Variants in GLB1L2 observed in about 807,000 individuals in gnomAD.
GLB1L2 encodes the protein beta-galactosidase-1-like protein 2.
Under a neutral mutation model 84.1 loss-of-function variants are expected in GLB1L2, and 68 were observed. The observed-to-expected ratio is 0.81, with a 90% CI of 0.67 to 0.99. The LOEUF is 0.99. GLB1L2 is among the 50% of genes least tolerant of loss of function. The pLI is 0.00. For missense variants in GLB1L2, 762 were observed against 805.6 expected (o/e 0.95, Z 0.66); for synonymous variants, 290 against 318.0 (o/e 0.91, Z 0.94).
At chr11:134,345,239 T>C (rs1433380843) in intron 4 of GLB1L2, 110 bp downstream of exon 4, 1 of 1,211,110 alleles carries the variant, frequency 8.3e-7, no homozygotes, top group Non-Finnish European at 1.1e-6. Context: ...GTGTTCCAGT[T>C]CCCATTCTGT....
chr11:134,360,789 CTT>C (rs1247705495), intron 7 of GLB1L2: 1 of 152,008 alleles, frequency 6.6e-6, no homozygotes, highest in African/African-American at 2.4e-5. Flanking sequence ...AACTCTTTGA[CTT>C]TTTCTTTGGA....
intron 6 of GLB1L2, among the ~76,000 whole-genome samples, chr11:134,358,795 G>A (rs760876938): frequency 2.0e-5 from 3 of 152,226 alleles, no homozygotes; most frequent in Non-Finnish European, 4.4e-5. Flanking sequence ...CTGGCCCACC[G>A]GGCACCTTCC....
Position 134,364,444 on chromosome 11 carries a change from C to G in GLB1L2, c.804+46C>G, listed in dbSNP as rs777082395. The stretch of plus-strand genomic sequence containing the variant: ...GCTGCGGCCCGCCCTGCTCAGCGGC[C>G]TATGGGAATTCTGAATGCCTGTCAG... On this transcript the variant is annotated intron_variant, in intron 8 of 18. Transcript: ENST00000535456. 22 of 1,473,652 alleles carry G rather than the reference C, an allele frequency of 1.5e-5. 1 individual carries two copies. Among genetic ancestry groups the G allele is most frequent in the Non-Finnish European group, 2.0e-5 (21 of 1,058,972 alleles). The allele number at this position is 1,473,652 out of a possible 1,614,324, so 91.3% of individuals were successfully genotyped here. A position where few individuals can be genotyped will look rare whatever the true frequency, so the allele number is the denominator to read the frequency against.
rs1180713590 is a variant in GLB1L2 at position 134,338,214 on chromosome 11, G to A, written c.87-4540G>A. 1.3e-5 allele frequency among the ~76,000 whole-genome samples: 2 copies of A among 152,200 alleles called. No homozygotes were observed. Among genetic ancestry groups the A allele is most frequent in the African/African-American group, 4.8e-5 (2 of 41,464 alleles). On this transcript the variant is annotated intron_variant, in intron 1 of 18. Transcript: ENST00000535456. The surrounding 1 kb of genome is among the most constrained non-coding windows in gnomAD (Gnocchi z 6.2). ...TACTCTGCATGGCAGACCAGAAAGA[G>A]ATGACTGTGACCCCAGTGAGGCCTC...
In GLB1L2 at chr11:134,370,421, C is replaced by T. The variant is rs775188063; in HGVS notation, c.1215+22C>T. On this transcript the variant is annotated intron_variant, in intron 12 of 18. Coordinates refer to ENST00000535456, the MANE Select transcript of GLB1L2 (RefSeq NM_001370461.1). This position sits in a 1 kb window ranked among gnomAD's most constrained non-coding sequence, Gnocchi z 4.7. ...GGAGGTGAGTGCTGTGGGCAGTCAT[C>T]GGGAGGTGAGTGAGTGCCGGGGGCA... 3.2e-6 allele frequency: 5 copies of T among 1,579,774 alleles called. No individual in the cohort carries two copies. Among genetic ancestry groups the T allele is most frequent in the East Asian group, 2.2e-5 (1 of 44,656 alleles).
chr11:134,354,357 C>T (rs1232413314), intron 5 of GLB1L2, among the ~76,000 whole-genome samples: 1 of 151,954 alleles, frequency 6.6e-6, no homozygotes, highest in Non-Finnish European at 1.5e-5. Context: ...TACCCATTAA[C>T]TTAAATTTAT....
Position 134,370,261 on chromosome 11 carries a change from C to T in GLB1L2, c.1109-32C>T, listed in dbSNP as rs764409977. On this transcript the variant is annotated intron_variant, in intron 11 of 18. Transcript: ENST00000535456. The surrounding 1 kb of genome is among the most constrained non-coding windows in gnomAD (Gnocchi z 4.7). ...ACGAGCAGGCAGTGACATTTGGGTC[C>T]GTTGGGGGTGACCCTGTTTTCTGTG... is the stretch of plus-strand genomic sequence containing the variant. The T allele has an allele frequency of 1.7e-5, 27 of 1,581,326 alleles. No homozygotes were observed. Among genetic ancestry groups the T allele is most frequent in the South Asian group, 5.5e-5 (5 of 90,416 alleles).
intron 7 of GLB1L2, among the ~76,000 whole-genome samples, chr11:134,361,891 C>T (rs1313609181): frequency 6.6e-6 from 1 of 152,190 alleles, no homozygotes; most frequent in East Asian, 1.9e-4. Flanking sequence ...GGCTCCCGAG[C>T]GTTTCCTGGG....
chr11:134,357,653 C>T (rs1943721939), intron 6 of GLB1L2, among the ~76,000 whole-genome samples: 1 of 152,254 alleles, frequency 6.6e-6, no homozygotes, highest in Non-Finnish European at 1.5e-5. Context: ...GGACGTCCTG[C>T]TCCACTCATG....
At chr11:134,362,256 A>T (rs1463992231) in intron 7 of GLB1L2, among the ~76,000 whole-genome samples, 1 of 152,008 alleles carries the variant, frequency 6.6e-6, no homozygotes, top group Non-Finnish European at 1.5e-5. Flanking sequence ...AGAAATGGAT[A>T]CTACCTTTCT....
At position 134,371,509 on chromosome 11, in the gene GLB1L2, A is replaced by T. The variant is rs764016723; in HGVS notation, c.1428+17A>T. On this transcript the variant is annotated intron_variant, in intron 14 of 18. Coordinates refer to ENST00000535456, the MANE Select transcript of GLB1L2 (RefSeq NM_001370461.1). ...CTGATCCAGGTTCGTTGTTTTTGGGAGCTGGGTGATGGCTAGCCCCCGCTG... is the reference window on the plus strand; with the variant it reads ...CTGATCCAGGTTCGTTGTTTTTGGGTGCTGGGTGATGGCTAGCCCCCGCTG... 6.7e-7 allele frequency: 1 copy of T among 1,490,254 alleles called. No homozygotes were observed. The highest frequency in any genetic ancestry group is 1.1e-5 in the South Asian group (1 of 88,528). 92.3% of individuals were successfully genotyped at this position (1,490,254 alleles called of 1,614,324 possible). A position where few individuals can be genotyped will look rare whatever the true frequency, so the allele number is the denominator to read the frequency against.
rs548895959 is a variant in GLB1L2 at position 134,370,504 on chromosome 11, G to A, written c.1215+105G>A. 2.4e-5 allele frequency: 20 copies of A among 830,184 alleles called. No homozygotes were observed. Among genetic ancestry groups the A allele is most frequent in the Admixed American group, 7.8e-5 (4 of 51,286 alleles). The allele number at this position is 830,184 out of a possible 1,614,324, so 51.4% of individuals were successfully genotyped here. On this transcript the variant is annotated intron_variant, in intron 12 of 18. Coordinates refer to ENST00000535456, the MANE Select transcript of GLB1L2 (RefSeq NM_001370461.1). The surrounding 1 kb of genome is among the most constrained non-coding windows in gnomAD (Gnocchi z 4.7). ...TCGTCGGCGGGAGGTGAGAGTCGTC[G>A]GGGCAGCAGGGCCTGGAGCCCCTCC... is the stretch of plus-strand genomic sequence containing the variant.
At chr11:134,368,898 T>A in intron 10 of GLB1L2, 117 bp downstream of exon 10, 1 of 1,065,902 alleles carries the variant, frequency 9.4e-7, no homozygotes, top group Non-Finnish European at 1.4e-6. Flanking sequence ...GGCAATAGAG[T>A]ACCTGGAGAA....
intron 10 of GLB1L2, 53 bp from the exon 11 acceptor site, chr11:134,369,752 C>A: frequency 1.3e-6 from 2 of 1,506,242 alleles, no homozygotes; most frequent in Non-Finnish European, 1.8e-6. Flanking sequence ...CTTCGTGCTA[C>A]ATGTGCTGTG....
chr11:134,375,327 A>G lies in GLB1L2; in HGVS notation c.*269A>G. ...GCTGTCGGGCTGTCTCTAGGGTGGG[A>G]GCAGCTAATCAGATCGCCCAGCCTT... On this transcript the variant is annotated 3_prime_UTR_variant, in exon 19 of 19. Transcript: ENST00000535456. 4.5e-6 allele frequency: 2 copies of G among 445,556 alleles called. No individual in the cohort carries two copies. Among genetic ancestry groups the G allele is most frequent in the Non-Finnish European group, 8.0e-6 (2 of 250,882 alleles). The allele number at this position is 445,556 out of a possible 1,614,324, so 27.6% of individuals were successfully genotyped here.
chr11:134,374,043 G>A, intron 16 of GLB1L2, 102 bp from the exon 17 acceptor site: 1 of 872,838 alleles, frequency 1.1e-6, no homozygotes, highest in South Asian at 1.5e-5. Context: ...GAGGCGGGGG[G>A]CCTTGGATGG....
rs964042018 is a variant in GLB1L2 at position 134,349,403 on chromosome 11, G to T, written c.558+1970G>T. 8.5e-5 allele frequency among the ~76,000 whole-genome samples: 13 copies of T among 152,292 alleles called. No individual in the cohort carries two copies. In the South Asian group the frequency reaches 2.3e-3, roughly 27 times the overall value. On this transcript the variant is annotated intron_variant, in intron 5 of 18. Transcript: ENST00000535456. ...TGTAAATAAAGCTGCTGTGAGCATG[G>T]GTGTACAAATACCTTTCTGAGCCCC...
intron 1 of GLB1L2, among the ~76,000 whole-genome samples, chr11:134,340,334 A>C (rs1943444330): frequency 1.3e-5 from 2 of 152,124 alleles, no homozygotes; most frequent in African/African-American, 4.8e-5. Context: ...AGGTTGTCAA[A>C]ATGCCCCTGT....
At chr11:134,358,920 TTC>T in intron 6 of GLB1L2, 138 bp from the exon 7 acceptor site, 1 of 596,452 alleles carries the variant, frequency 1.7e-6, no homozygotes, top group South Asian at 2.5e-5. Context: ...CAGGAGACTT[TTC>T]TGTTTTTGGC....
Sources: gnomAD v4.1 joint callset for allele counts (sites outside exome capture counted in the v4.1 genomes callset) on GRCh38, gnomAD v4.1.1 for gene constraint, Gnocchi (gnomAD v3.1) non-coding constraint, MANE v1.5 for transcripts, NCBI Gene and HGNC (gene_info 2026-07-23, HGNC 2026-07-21) for gene names.